Variants in INSL4 observed in about 807,000 individuals in gnomAD.
INSL4 encodes early placenta insulin-like peptide.
Under a neutral mutation model 6.5 loss-of-function variants are expected in INSL4, and 7 were observed. The ratio of observed to expected loss-of-function variants is 1.08; its 90% CI spans 0.61 to 2.02. The LOEUF is 2.02. Among genes scored for constraint, INSL4 ranks in the 30% most tolerant of loss-of-function variants. The pLI, the probability that INSL4 is intolerant of heterozygous loss-of-function variation, is 0.00. For synonymous variants in INSL4, 82 were observed against 65.8 expected (o/e 1.25, Z -1.19); for missense variants, 226 against 163.2 (o/e 1.38, Z -2.09).
rs780855496 is a variant in INSL4 at position 5,231,622 on chromosome 9, C to G, written c.99C>G (p.Pro33=). 6.2e-6 allele frequency: 10 copies of G among 1,613,758 alleles called. No individual in the cohort carries two copies. Among genetic ancestry groups the G allele is most frequent in the African/African-American group, 1.3e-5 (1 of 74,868 alleles). The change falls in exon 1 of 2, where the codon CCC becomes CCG. Residue 33 remains proline, a synonymous_variant. Coordinates refer to ENST00000239316, the MANE Select transcript of INSL4 (RefSeq NM_002195.2). Reference sequence around the variant, plus strand: ...CAGCAGAGCTGAGGGGATGTGGTCCCCGATTTGGAAAACACTTGCTGTCAT... The same window carrying G: ...CAGCAGAGCTGAGGGGATGTGGTCCGCGATTTGGAAAACACTTGCTGTCAT... ...SLAAELRGCG[P]RFGKHLLSYC... is the part of the protein sequence containing the mutation.
intron 1 of INSL4, among the ~76,000 whole-genome samples, chr9:5,232,330 A>G (rs1304642155): frequency 1.3e-5 from 2 of 152,142 alleles, no homozygotes; most frequent in African/African-American, 4.8e-5. Context: ...GTCCTCTTAC[A>G]AAAAAGTTTT....
Position 5,231,571 on chromosome 9 carries a change from G to T in INSL4, c.48G>T (p.Leu16=). The T allele has an allele frequency of 6.2e-7, 1 of 1,613,832 alleles. No homozygotes were observed. The highest frequency in any genetic ancestry group is 8.5e-7 in the Non-Finnish European group (1 of 1,179,880). ...RSYLPAIWLL[L]SQLLRESLAA... is the part of the protein sequence containing the mutation. ...ATCTGCCAGCAATCTGGCTGCTGCT[G>T]AGCCAACTCCTTAGAGAAAGCCTAG... is the stretch of plus-strand genomic sequence containing the variant. Residue 16 remains leucine, a synonymous_variant, in exon 1 of 2, where the codon CTG becomes CTT. Transcript: ENST00000239316.
chr9:5,233,521 G>T, intron 1 of INSL4, 133 bp from the exon 2 acceptor site: 1 of 653,674 alleles, frequency 1.5e-6, no homozygotes, highest in South Asian at 1.9e-5. Context: ...TAGGATACTT[G>T]CTGATTCTCT....
intron 1 of INSL4, among the ~76,000 whole-genome samples, chr9:5,231,993 G>GA (rs996060071): frequency 2.0e-5 from 3 of 152,172 alleles, no homozygotes; most frequent in African/African-American, 7.2e-5. Flanking sequence ...ACAGGGTGGA[G>GA]AAAACAGGGA....
At chr9:5,231,745 T>C in intron 1 of INSL4, 26 bp downstream of exon 1, 1 of 1,603,088 alleles carries the variant, frequency 6.2e-7, no homozygotes, top group Non-Finnish European at 8.5e-7. Flanking sequence ...TACCAAACAA[T>C]CAGAATGAGG....
rs187164327 is a variant in INSL4 at position 5,233,665 on chromosome 9, A to T, written c.208A>T (p.Thr70Ser). 7.4e-6 allele frequency: 12 copies of T among 1,612,880 alleles called. No homozygotes were observed. Among genetic ancestry groups the T allele is most frequent in the Non-Finnish European group, 1.0e-5 (12 of 1,179,204 alleles). The change falls in exon 2 of 2, where the codon ACC (threonine) becomes TCC (serine). Residue 70 changes from threonine to serine, a missense_variant. By Grantham distance (58) the Thr-to-Ser change is moderately conservative. Transcript: ENST00000239316. Reference protein sequence around the residue: ...ESGRPKEMVSTSNNKDGQALG... With the variant: ...ESGRPKEMVSSSNNKDGQALG... ...CTTTTACTTCACAGAAATGGTGTCA[A>T]CCTCCAACAACAAAGATGGACAAGC... is the stretch of plus-strand genomic sequence containing the variant.
rs919554500 is a variant in INSL4, at chr9:5,233,420, C to T, written c.197-234C>T. On this transcript the variant is annotated intron_variant, in intron 1 of 1. Coordinates refer to ENST00000239316, the MANE Select transcript of INSL4 (RefSeq NM_002195.2). ...CATTTAGAGGGTCATTAGAAGAGTG[C>T]ATAGAGGGGACAGGATGAGGAGTTA... is the stretch of plus-strand genomic sequence containing the variant. Among the ~76,000 whole-genome samples, 24 of 152,018 alleles carry T rather than the reference C, an allele frequency of 1.6e-4. 1 individual carries two copies. The highest frequency in any genetic ancestry group is 1.2e-3 in the Admixed American group (18 of 15,244).
intron 1 of INSL4, 33 bp downstream of exon 1, chr9:5,231,752 G>A: frequency 6.3e-7 from 1 of 1,594,048 alleles, no homozygotes; most frequent in Non-Finnish European, 8.6e-7. Flanking sequence ...CAATCAGAAT[G>A]AGGCCTGAAA....
At chr9:5,232,945 A>G (rs1228189857) in intron 1 of INSL4, among the ~76,000 whole-genome samples, 3 of 152,118 alleles carry the variant, frequency 2.0e-5, no homozygotes, top group Non-Finnish European at 4.4e-5. Flanking sequence ...CTTTTTTTAC[A>G]TTATTAGTCA....
rs893442147 is a variant in INSL4, at chr9:5,234,654, C to G, written c.*777C>G. 3 of 152,472 alleles carry G rather than the reference C, an allele frequency of 2.0e-5. No individual in the cohort carries two copies. Among genetic ancestry groups the G allele is most frequent in the African/African-American group, 7.2e-5 (3 of 41,464 alleles). 9.4% of individuals were successfully genotyped at this position (152,472 alleles called of 1,614,324 possible). On this transcript the variant is annotated 3_prime_UTR_variant, in exon 2 of 2. Coordinates refer to ENST00000239316, the MANE Select transcript of INSL4 (RefSeq NM_002195.2). The stretch of plus-strand genomic sequence containing the variant: ...TCAAAGTGGTGAATTGGCACAAATA[C>G]TGGCATTCCTCTGGCTACACATACC...
rs534433060 is a variant in INSL4, at chr9:5,234,138, A to G, written c.*261A>G. ...CTGTATATTCCAAAATAGCTAGAAG[A>G]GAATTGTAATGATTCCAACACAAAA... On this transcript the variant is annotated 3_prime_UTR_variant, in exon 2 of 2. Transcript: ENST00000239316. 3 of 382,048 alleles carry G rather than the reference A, an allele frequency of 7.9e-6. No homozygotes were observed. The South Asian group carries it at 1.0e-4, about 13-fold the overall frequency. The allele number at this position is 382,048 out of a possible 1,614,324, so 23.7% of individuals were successfully genotyped here.
chr9:5,231,599 GC>G lies in INSL4; in HGVS notation c.77del (p.Ala26GlufsTer3). ...LSQLLRESLAAELRGCGPRFG... is the reference protein window; with the variant it reads ...LSQLLRESLAXELRGCGPRFG... ...CCAACTCCTTAGAGAAAGCCTAGCA[GC>G]AGAGCTGAGGGGATGTGGTCCCCGA... On this transcript the variant is annotated frameshift_variant, in exon 1 of 2. Coordinates refer to ENST00000239316, the MANE Select transcript of INSL4 (RefSeq NM_002195.2). LOFTEE classifies it high-confidence loss of function. The G allele has an allele frequency of 6.2e-7, 1 of 1,613,958 alleles. No individual in the cohort carries two copies. The highest frequency in any genetic ancestry group is 1.7e-5 in the Admixed American group (1 of 60,004).
intron 1 of INSL4, among the ~76,000 whole-genome samples, chr9:5,233,056 T>C (rs1826171716): frequency 6.6e-6 from 1 of 152,206 alleles, no homozygotes; most frequent in Non-Finnish European, 1.5e-5. Flanking sequence ...ATAATTTCTA[T>C]TTAAATTTCA....
At position 5,231,504 on chromosome 9, in the gene INSL4, C is replaced by A. The variant is rs1826144101; in HGVS notation, c.-20C>A. 2 of 1,608,248 alleles carry A rather than the reference C, an allele frequency of 1.2e-6. No homozygotes were observed. Among genetic ancestry groups the A allele is most frequent in the Non-Finnish European group, 1.7e-6 (2 of 1,177,394 alleles). Reference sequence around the variant, plus strand: ...AAAGAAAGGCTGAGAACACCCAGAACAGGAGAGTTCAGGTCCAGGATGGCC... The same window carrying A: ...AAAGAAAGGCTGAGAACACCCAGAAAAGGAGAGTTCAGGTCCAGGATGGCC... On this transcript the variant is annotated 5_prime_UTR_variant, in exon 1 of 2. Transcript: ENST00000239316.
At position 5,233,928 on chromosome 9, in the gene INSL4, T is replaced by C. The variant is rs748953507; in HGVS notation, c.*51T>C. The C allele has an allele frequency of 8.1e-7, 1 of 1,238,656 alleles. No homozygotes were observed. Among genetic ancestry groups the C allele is most frequent in the Non-Finnish European group, 1.2e-6 (1 of 846,672 alleles). The allele number at this position is 1,238,656 out of a possible 1,614,324, so 76.7% of individuals were successfully genotyped here. On this transcript the variant is annotated 3_prime_UTR_variant, in exon 2 of 2. Transcript: ENST00000239316. ...CATCCATTCTCATATGTATTCTCAA[T>C]GACAAATTCACTGATGCCCAATTAA...
chr9:5,231,788 G>A (rs41298167), intron 1 of INSL4, 69 bp downstream of exon 1: 16,445 of 1,349,804 alleles, frequency 0.012, 131 homozygotes, highest in Non-Finnish European at 0.014. Flanking sequence ...CTCATTGACT[G>A]CCTGTAGTCA....
At position 5,233,752 on chromosome 9, in the gene INSL4, G is replaced by A; in HGVS notation, c.295G>A (p.Glu99Lys). The A allele has an allele frequency of 6.2e-7, 1 of 1,613,702 alleles. No homozygotes were observed. The highest frequency in any genetic ancestry group is 1.1e-5 in the South Asian group (1 of 91,078). Residue 99 changes from glutamate to lysine, a missense_variant, in exon 2 of 2, where the codon GAA becomes AAA. Physicochemically the swap from Glu to Lys is moderately conservative, Grantham distance 56 (BLOSUM62 1). Coordinates refer to ENST00000239316, the MANE Select transcript of INSL4 (RefSeq NM_002195.2). The stretch of plus-strand genomic sequence containing the variant: ...ACCAGAGCTGAAGAAACCACTGTCT[G>A]AAGGGCAGCCATCATTGAAGAAAAT... ...LSPELKKPLSEGQPSLKKIIL... is the reference protein window; with the variant it reads ...LSPELKKPLSKGQPSLKKIIL...
At chr9:5,232,544 C>T (rs1039078677) in intron 1 of INSL4, among the ~76,000 whole-genome samples, 1 of 152,096 alleles carries the variant, frequency 6.6e-6, no homozygotes, top group Non-Finnish European at 1.5e-5. Context: ...GACTGCAAAG[C>T]ATTTTCTTTA....
At chr9:5,233,357 A>G (rs1437261300) in intron 1 of INSL4, among the ~76,000 whole-genome samples, 1 of 152,162 alleles carries the variant, frequency 6.6e-6, no homozygotes, top group African/African-American at 2.4e-5. Flanking sequence ...TATCAATCAA[A>G]ACAGTGTCAG....
Sources: allele counts gnomAD v4.1 joint callset (sites outside exome capture counted in the v4.1 genomes callset), GRCh38; gene constraint gnomAD v4.1.1; transcripts MANE v1.5; gene names NCBI Gene and HGNC (gene_info 2026-07-23, HGNC 2026-07-21).